The following COL22A1 variants were observed in gnomAD, a reference collection of about 807,000 sequenced individuals.
COL22A1 encodes collagen type XXII alpha 1 chain, also known as collagen alpha-1(XXII) chain.
Under a neutral mutation model 248.9 loss-of-function variants are expected in COL22A1, and 221 were observed. That is an observed-to-expected ratio of 0.89 (90% CI 0.80 to 0.99). COL22A1 has a LOEUF of 0.99. Ranked by LOEUF, COL22A1 falls within the 50% of genes least tolerant of loss-of-function variation. The pLI is 0.00. For synonymous variants in COL22A1, 891 were observed against 793.4 expected (o/e 1.12, Z -2.07); for missense variants, 2,240 against 2,179.0 (o/e 1.03, Z -0.56).
intron 3 of COL22A1, among the ~76,000 whole-genome samples, chr8:138,848,765 G>GA (rs1821426666): frequency 6.6e-6 from 1 of 152,164 alleles, no homozygotes; most frequent in East Asian, 1.9e-4. Flanking sequence ...TCCAAGATGA[G>GA]AAACTCATCA....
At chr8:138,749,677 T>G (rs1458603095) in intron 22 of COL22A1, among the ~76,000 whole-genome samples, 1 of 152,178 alleles carries the variant, frequency 6.6e-6, no homozygotes, top group Non-Finnish European at 1.5e-5. Flanking sequence ...TAAACCGGCC[T>G]GGAGAGACCA....
At chr8:138,592,005 A>G (rs1327062410) in intron 63 of COL22A1, among the ~76,000 whole-genome samples, 1 of 152,204 alleles carries the variant, frequency 6.6e-6, no homozygotes, top group Admixed American at 6.5e-5. Context: ...CTTTGTCAGG[A>G]AGAAACTGGA....
chr8:138,614,356 T>G (rs905517333), intron 55 of COL22A1, among the ~76,000 whole-genome samples: 1 of 152,204 alleles, frequency 6.6e-6, no homozygotes, highest in Non-Finnish European at 1.5e-5. Context: ...AGCAGTGTGA[T>G]TCACCACCAC....
chr8:138,645,990 T>C (rs933510811), intron 47 of COL22A1, among the ~76,000 whole-genome samples: 5 of 152,152 alleles, frequency 3.3e-5, no homozygotes, highest in Admixed American at 6.5e-5. Context: ...AGGCAGTTTC[T>C]TCTTAGAGCT....
At chr8:138,764,074 C>T (rs1237502310) in intron 16 of COL22A1, among the ~76,000 whole-genome samples, 1 of 152,196 alleles carries the variant, frequency 6.6e-6, no homozygotes, top group African/African-American at 2.4e-5. Context: ...GATTTCTTTG[C>T]TGCTTTTTCC....
At chr8:138,774,576 G>A (rs964883139) in intron 16 of COL22A1, among the ~76,000 whole-genome samples, 3 of 151,988 alleles carry the variant, frequency 2.0e-5, no homozygotes, top group Admixed American at 6.6e-5. Flanking sequence ...CCGCCACCAA[G>A]CCCGGCTAAT....
chr8:138,607,775 G>T (rs543407279), intron 57 of COL22A1, among the ~76,000 whole-genome samples, 161 bp downstream of exon 57: 3 of 152,198 alleles, frequency 2.0e-5, no homozygotes, highest in Non-Finnish European at 1.5e-5. Context: ...CTTAAAAAAT[G>T]GCCCTATGGA....
At chr8:138,661,047 C>T (rs1823903242) in intron 43 of COL22A1, among the ~76,000 whole-genome samples, 1 of 149,146 alleles carries the variant, frequency 6.7e-6, no homozygotes, top group Admixed American at 6.8e-5. Context: ...CAGACACACA[C>T]ACACACGCAC....
intron 30 of COL22A1, among the ~76,000 whole-genome samples, chr8:138,708,941 G>T (rs1489971740): frequency 6.6e-6 from 1 of 151,870 alleles, no homozygotes; most frequent in African/African-American, 2.4e-5. Context: ...AAATTTACAA[G>T]AAAAAAATCA....
intron 10 of COL22A1, among the ~76,000 whole-genome samples, chr8:138,804,068 C>T (rs1444363502): frequency 1.3e-5 from 2 of 152,198 alleles, no homozygotes; most frequent in African/African-American, 4.8e-5. Flanking sequence ...TGACTCTCTT[C>T]ATACTATCCC....
chr8:138,804,973 A>G (rs13255736), intron 10 of COL22A1, among the ~76,000 whole-genome samples: 47,532 of 121,964 alleles, frequency 0.39, 8,963 homozygotes, highest in African/African-American at 0.57. Flanking sequence ...AGGTAATGGT[A>G]TGTGGTGGTG....
chr8:138,882,550 CCTCA>C (rs1428093343), intron 2 of COL22A1, among the ~76,000 whole-genome samples: 1 of 140,262 alleles, frequency 7.1e-6, no homozygotes, highest in Non-Finnish European at 1.5e-5. Context: ...CCACATGCTC[CCTCA>C]AACTCACACT....
intron 7 of COL22A1, among the ~76,000 whole-genome samples, chr8:138,818,018 T>C (rs1395570204): frequency 6.6e-6 from 1 of 152,218 alleles, no homozygotes; most frequent in Admixed American, 6.5e-5. Context: ...AACTCAAATA[T>C]AGTCTCCCAC....
intron 47 of COL22A1, among the ~76,000 whole-genome samples, chr8:138,643,245 C>T (rs1304875983): frequency 6.6e-6 from 1 of 152,182 alleles, no homozygotes; most frequent in Non-Finnish European, 1.5e-5. Context: ...CAATCTAACA[C>T]TGCCCCGGGC....
chr8:138,671,921 C>T (rs1166457634), intron 41 of COL22A1, among the ~76,000 whole-genome samples: 1 of 151,790 alleles, frequency 6.6e-6, no homozygotes, highest in Non-Finnish European at 1.5e-5. Context: ...GTATATAATA[C>T]ATATAACATA....
intron 1 of COL22A1, among the ~76,000 whole-genome samples, chr8:138,908,049 C>G (rs1050820193): frequency 6.6e-6 from 1 of 152,192 alleles, no homozygotes; most frequent in African/African-American, 2.4e-5. Context: ...CCTCCCCACT[C>G]CCCCACACAA....
chr8:138,645,512 GACA>G (rs1822122556), intron 47 of COL22A1, among the ~76,000 whole-genome samples: 2 of 152,272 alleles, frequency 1.3e-5, no homozygotes, highest in East Asian at 1.9e-4. Flanking sequence ...CAACCAAGGA[GACA>G]ACAACTGAGG....
At chr8:138,627,087 A>C (rs1343898461) in intron 50 of COL22A1, among the ~76,000 whole-genome samples, 1 of 152,134 alleles carries the variant, frequency 6.6e-6, no homozygotes, top group African/African-American at 2.4e-5. Context: ...GGCAATGCGC[A>C]ATAATAACCA....
chr8:138,699,826 G>A (rs1161282817), intron 32 of COL22A1, among the ~76,000 whole-genome samples: 2 of 152,224 alleles, frequency 1.3e-5, no homozygotes, highest in African/African-American at 2.4e-5. Flanking sequence ...GCTACTCTCT[G>A]TGTTACTGAA....
Sources: gnomAD v4.1 joint callset for allele counts (sites outside exome capture counted in the v4.1 genomes callset) on GRCh38, gnomAD v4.1.1 for gene constraint, MANE v1.5 for transcripts, NCBI Gene and HGNC (gene_info 2026-07-23, HGNC 2026-07-21) for gene names.